Variants in NSD1 observed in about 807,000 individuals in gnomAD.
NSD1 encodes the protein histone-lysine N-methyltransferase, H3 lysine-36 specific.
In NSD1, 26 loss-of-function variants were observed where a neutral mutation model predicts 242.7. That is an observed-to-expected ratio of 0.11 (90% confidence interval 0.08 to 0.15). The LOEUF is 0.15. NSD1 is among the 10% of genes least tolerant of loss of function. NSD1 has a pLI of 1.00. For synonymous variants in NSD1, 1,106 were observed against 1,178.1 expected, an observed-to-expected ratio of 0.94 and a Z score of 1.25; for missense variants, 2,495 against 3,272.8, an observed-to-expected ratio of 0.76 and a Z score of 5.80.
chr5:177,191,162 G>A (rs1761663791), intron 2 of NSD1, among the ~76,000 whole-genome samples: 1 of 150,972 alleles, frequency 6.6e-6, no homozygotes, highest in African/African-American at 2.4e-5. Flanking sequence ...GTAGAACAAG[G>A]TTTCACCATG....
At chr5:177,147,973 C>T (rs1757391195) in intron 2 of NSD1, among the ~76,000 whole-genome samples, 1 of 152,102 alleles carries the variant, frequency 6.6e-6, no homozygotes, top group Non-Finnish European at 1.5e-5. Context: ...TGTTGAAGGA[C>T]ATCTGGGGCA....
intron 3 of NSD1, among the ~76,000 whole-genome samples, chr5:177,200,510 A>G (rs573420395): frequency 3.3e-5 from 5 of 152,262 alleles, no homozygotes; most frequent in Admixed American, 6.5e-5. Context: ...CATTACCACT[A>G]TTCATCTCCA....
intron 2 of NSD1, among the ~76,000 whole-genome samples, chr5:177,186,118 T>A (rs1378958719): frequency 8.1e-6 from 1 of 124,140 alleles, no homozygotes. Context: ...ATATGTATAT[T>A]TATATATAAT....
intron 5 of NSD1, among the ~76,000 whole-genome samples, chr5:177,230,686 A>T (rs1413802641): frequency 2.0e-5 from 3 of 151,886 alleles, no homozygotes; most frequent in African/African-American, 4.8e-5. Flanking sequence ...AATGAGCCAG[A>T]TGTGGTGGCT....
At chr5:177,255,316 A>G (rs191930231) in intron 12 of NSD1, among the ~76,000 whole-genome samples, 4 of 152,264 alleles carry the variant, frequency 2.6e-5, no homozygotes, top group Admixed American at 1.3e-4. Context: ...AAAAAAAAAA[A>G]AAGTTACCAG....
At chr5:177,279,059 G>T (rs1036692754) in intron 17 of NSD1, among the ~76,000 whole-genome samples, 2 of 152,168 alleles carry the variant, frequency 1.3e-5, no homozygotes, top group Non-Finnish European at 2.9e-5. Context: ...CCTTTTAAAA[G>T]ATTTTAAATT....
At chr5:177,220,324 A>G (rs757489470) in intron 5 of NSD1, among the ~76,000 whole-genome samples, 1 of 152,106 alleles carries the variant, frequency 6.6e-6, no homozygotes, top group Non-Finnish European at 1.5e-5. Context: ...TTTTACCTAA[A>G]GTGTATTTTG....
At chr5:177,283,662 A>G (rs1759072326) in intron 19 of NSD1, 125 bp from the exon 20 acceptor site, 2 of 1,108,996 alleles carry the variant, frequency 1.8e-6, no homozygotes, top group South Asian at 2.6e-5. Context: ...GTTCTTTGGG[A>G]TCTTTTCTCT....
At chr5:177,205,218 G>A (rs994823375) in intron 4 of NSD1, among the ~76,000 whole-genome samples, 2 of 152,034 alleles carry the variant, frequency 1.3e-5, no homozygotes, top group African/African-American at 2.4e-5. Flanking sequence ...TGTATTTTTA[G>A]TAGAGACAGG....
chr5:177,259,755 G>A (rs1756835008), intron 13 of NSD1, among the ~76,000 whole-genome samples: 1 of 152,238 alleles, frequency 6.6e-6, no homozygotes, highest in African/African-American at 2.4e-5. Context: ...GCTTTCCCTT[G>A]TTGAAGCAGG....
chr5:177,209,488 C>T, intron 4 of NSD1, 148 bp from the exon 5 acceptor site: 1 of 629,128 alleles, frequency 1.6e-6, no homozygotes, highest in Non-Finnish European at 2.7e-6. Flanking sequence ...AAGATTGTGC[C>T]ACTGCACTCC....
At chr5:177,154,806 C>T (rs1029885077) in intron 2 of NSD1, among the ~76,000 whole-genome samples, 5 of 152,082 alleles carry the variant, frequency 3.3e-5, no homozygotes, top group Admixed American at 1.3e-4. Flanking sequence ...AGTGATTCTC[C>T]TGCCTCAGCC....
chr5:177,258,130 G>A (rs1437071903), intron 13 of NSD1, among the ~76,000 whole-genome samples: 2 of 151,658 alleles, frequency 1.3e-5, no homozygotes, highest in African/African-American at 4.8e-5. Context: ...ACAGGCATGA[G>A]CCACCATGCC....
intron 2 of NSD1, among the ~76,000 whole-genome samples, chr5:177,185,913 T>C (rs1761136660): frequency 1.3e-5 from 1 of 76,604 alleles, no homozygotes; most frequent in South Asian, 3.6e-4. Flanking sequence ...TATATAATTA[T>C]ATATATTTAT....
chr5:177,195,546 C>T (rs1762043175), intron 3 of NSD1, among the ~76,000 whole-genome samples: 2 of 152,088 alleles, frequency 1.3e-5, no homozygotes, highest in Admixed American at 1.3e-4. Flanking sequence ...TGACTCATTG[C>T]AGCCATAGCT....
chr5:177,160,344 T>C (rs1291842498), intron 2 of NSD1, among the ~76,000 whole-genome samples: 2 of 152,070 alleles, frequency 1.3e-5, no homozygotes, highest in Non-Finnish European at 2.9e-5. Context: ...TTTCACTCTG[T>C]CGCACAGGCT....
intron 5 of NSD1, among the ~76,000 whole-genome samples, chr5:177,220,155 T>G (rs942190882): frequency 2.6e-4 from 40 of 152,248 alleles, no homozygotes; most frequent in Non-Finnish European, 2.9e-5. Context: ...AAAATCTCCT[T>G]GTGTTACTCT....
chr5:177,252,539 CTTTTTTTTTTTTTT>C (rs70991600), intron 12 of NSD1, among the ~76,000 whole-genome samples: 29 of 47,430 alleles, frequency 6.1e-4, no homozygotes, highest in South Asian at 3.3e-3. Context: ...GTAAAGTGTT[CTTTTTTTTTTTTTT>C]TTTTTTTTTT....
intron 15 of NSD1, among the ~76,000 whole-genome samples, chr5:177,268,235 A>G (rs753142808): frequency 8.7e-5 from 13 of 149,116 alleles, no homozygotes; most frequent in African/African-American, 2.5e-5. Context: ...CAGCCTCCTG[A>G]GTAGCTGAGA....
Sources: allele counts gnomAD v4.1 joint callset (sites outside exome capture counted in the v4.1 genomes callset), GRCh38; gene constraint gnomAD v4.1.1; transcripts MANE v1.5; gene names NCBI Gene and HGNC (gene_info 2026-07-23, HGNC 2026-07-21).